Variants in FBXO32 observed in about 807,000 individuals in gnomAD.
FBXO32 encodes the protein F-box protein 32, also known as F-box only protein 32.
In FBXO32, 15 loss-of-function variants were observed where a neutral mutation model predicts 48.3. That is an observed-to-expected ratio of 0.31 (90% CI 0.21 to 0.48). The LOEUF is 0.48. Ranked by LOEUF, FBXO32 falls within the 20% of genes least tolerant of loss-of-function variation. FBXO32 has a pLI of 0.99. For missense variants in FBXO32, 309 were observed against 432.7 expected, an observed-to-expected ratio of 0.71 and a Z score of 2.54; for synonymous variants, 154 against 165.9, an observed-to-expected ratio of 0.93 and a Z score of 0.55.
intron 6 of FBXO32, among the ~76,000 whole-genome samples, chr8:123,512,489 C>T (rs1223931481): frequency 6.6e-6 from 1 of 151,006 alleles, no homozygotes; most frequent in Non-Finnish European, 1.5e-5. Context: ...TGTGTCTGTC[C>T]TTTAGTGAGC....
intron 8 of FBXO32, among the ~76,000 whole-genome samples, chr8:123,504,179 G>A (rs758098564): frequency 3.3e-5 from 5 of 152,030 alleles, no homozygotes; most frequent in Non-Finnish European, 7.4e-5. Context: ...AATATTTAAG[G>A]TTATGAATGT....
At chr8:123,538,706 A>C (rs954296389) in intron 1 of FBXO32, among the ~76,000 whole-genome samples, 4 of 152,208 alleles carry the variant, frequency 2.6e-5, no homozygotes, top group Non-Finnish European at 5.9e-5. Context: ...ATGATTCCTA[A>C]ACGCTGACTC....
At chr8:123,534,847 G>A (rs1197494125) in intron 1 of FBXO32, 33 bp from the exon 2 acceptor site, 2 of 1,400,296 alleles carry the variant, frequency 1.4e-6, no homozygotes, top group Admixed American at 1.7e-5. Flanking sequence ...AGGATGAGCT[G>A]TAACAGCTAT....
At chr8:123,522,767 A>C (rs1816983175) in intron 4 of FBXO32, among the ~76,000 whole-genome samples, 1 of 152,072 alleles carries the variant, frequency 6.6e-6, no homozygotes, top group South Asian at 2.1e-4. Flanking sequence ...TTGCCTTTCC[A>C]TCTGGCCAAA....
intron 1 of FBXO32, among the ~76,000 whole-genome samples, chr8:123,536,194 C>G (rs561840335): frequency 3.3e-5 from 5 of 152,296 alleles, no homozygotes; most frequent in Admixed American, 3.3e-4. Context: ...CTTCATAAGG[C>G]CGTGCTTAAT....
intron 4 of FBXO32, among the ~76,000 whole-genome samples, chr8:123,520,792 G>A (rs150691942): frequency 2.0e-5 from 3 of 152,174 alleles, no homozygotes; most frequent in South Asian, 2.1e-4. Context: ...TTCTCCTTGC[G>A]CTTAGGAAAA....
intron 4 of FBXO32, among the ~76,000 whole-genome samples, chr8:123,531,540 T>C (rs1472146105): frequency 6.6e-6 from 1 of 152,228 alleles, no homozygotes; most frequent in Admixed American, 6.5e-5. Context: ...TCTCTCTTGC[T>C]AAGGCTGTTG....
At chr8:123,515,103 A>G (rs550573597) in intron 4 of FBXO32, among the ~76,000 whole-genome samples, 70 of 152,234 alleles carry the variant, frequency 4.6e-4, no homozygotes, top group Non-Finnish European at 8.1e-4. Flanking sequence ...AGTCTTTAAT[A>G]CAAGGTTGAG....
chr8:123,503,422 C>A lies in FBXO32; in HGVS notation c.1019G>T (p.Cys340Phe), dbSNP rs1221607802. Residue 340 changes from cysteine (C) to phenylalanine (F), a missense_variant, in exon 9 of 9, where the codon TGC (cysteine) becomes TTC (phenylalanine). Cys to Phe is a radical substitution (Grantham distance 205). Coordinates refer to ENST00000517956, the MANE Select transcript of FBXO32 (RefSeq NM_058229.4). Reference protein sequence around the residue: ...HPCTANNPESCSVSLSPQDFI... With the variant: ...HPCTANNPESFSVSLSPQDFI... ...GTCCTGGGGTGAAAGTGAAACGGAG[C>A]AGCTCTCTGGGTTATTGGCAGTGCA... 1 of 1,614,168 alleles carries A rather than the reference C, an allele frequency of 6.2e-7. No homozygotes were observed. Among genetic ancestry groups the A allele is most frequent in the Non-Finnish European group, 8.5e-7 (1 of 1,180,004 alleles).
chr8:123,515,254 G>A (rs188835932), intron 4 of FBXO32, among the ~76,000 whole-genome samples: 152 of 152,256 alleles, frequency 1.0e-3, no homozygotes, highest in African/African-American at 3.5e-3. Flanking sequence ...TTTGTTTTTT[G>A]AGACGGCATC....
intron 7 of FBXO32, among the ~76,000 whole-genome samples, chr8:123,505,601 C>T (rs1358893238): frequency 2.6e-5 from 4 of 152,034 alleles, no homozygotes; most frequent in Admixed American, 6.5e-5. Context: ...CCAGGCATGG[C>T]GGTGTGCACC....
At chr8:123,509,912 C>A (rs757771525) in intron 6 of FBXO32, among the ~76,000 whole-genome samples, 1 of 152,126 alleles carries the variant, frequency 6.6e-6, no homozygotes, top group South Asian at 2.1e-4. Flanking sequence ...AAGCATGAGG[C>A]ATCAGCCAAA....
chr8:123,514,515 C>T (rs1168880771), intron 4 of FBXO32, among the ~76,000 whole-genome samples, 182 bp from the exon 5 acceptor site: 3 of 152,142 alleles, frequency 2.0e-5, no homozygotes, highest in Admixed American at 6.5e-5. Context: ...TAATTCAAAA[C>T]CCAGGATTGG....
chr8:123,535,226 C>G (rs941586394), intron 1 of FBXO32, among the ~76,000 whole-genome samples: 1 of 152,104 alleles, frequency 6.6e-6, no homozygotes, highest in African/African-American at 2.4e-5. Flanking sequence ...AGTATCTACC[C>G]CAAGCTGCTG....
At position 123,541,051 on chromosome 8, in the gene FBXO32, G is replaced by T; in HGVS notation, c.-37C>A. 1 of 1,465,002 alleles carries T rather than the reference G, an allele frequency of 6.8e-7. No homozygotes were observed. The highest frequency in any genetic ancestry group is 9.3e-7 in the Non-Finnish European group (1 of 1,072,740). The allele number at this position is 1,465,002 out of a possible 1,614,324, so 90.8% of individuals were successfully genotyped here. ...CGGACTAGACGGATGGGGAGACGGG[G>T]CCGGCCTGGTGGGCTCGGGGACGTG... On this transcript the variant is annotated 5_prime_UTR_variant, in exon 1 of 9. Transcript: ENST00000517956.
chr8:123,529,904 A>T (rs905301422), intron 4 of FBXO32, among the ~76,000 whole-genome samples: 1 of 152,238 alleles, frequency 6.6e-6, no homozygotes, highest in African/African-American at 2.4e-5. Flanking sequence ...TTTGAAGATC[A>T]GTTTGTAATA....
intron 4 of FBXO32, among the ~76,000 whole-genome samples, chr8:123,523,576 G>A (rs924839138): frequency 2.7e-5 from 4 of 149,454 alleles, no homozygotes; most frequent in Non-Finnish European, 5.9e-5. Context: ...GTGACAGGGT[G>A]AGACTCCGTC....
At chr8:123,511,786 G>A (rs754652035) in intron 6 of FBXO32, among the ~76,000 whole-genome samples, 6 of 152,074 alleles carry the variant, frequency 3.9e-5, no homozygotes, top group Non-Finnish European at 8.8e-5. Context: ...AACTGTGATC[G>A]TCTAAATGGG....
At chr8:123,523,626 C>CAAA (rs58902376) in intron 4 of FBXO32, among the ~76,000 whole-genome samples, 1 of 141,898 alleles carries the variant, frequency 7.0e-6, no homozygotes, top group Admixed American at 7.2e-5. Context: ...ACAACAACAA[C>CAAA]AAACAAACAA....
Sources: allele counts gnomAD v4.1 joint callset (sites outside exome capture counted in the v4.1 genomes callset), GRCh38; gene constraint gnomAD v4.1.1; transcripts MANE v1.5; gene names NCBI Gene and HGNC (gene_info 2026-07-23, HGNC 2026-07-21).